ULK4: variants seen among roughly 807,000 people sequenced by gnomAD.
ULK4 encodes the protein inactive serine/threonine-protein kinase ULK4.
In ULK4, 133 loss-of-function variants were observed where a neutral mutation model predicts 160.6. The observed-to-expected ratio is 0.83, with a 90% CI of 0.72 to 0.96. ULK4 has a LOEUF of 0.96. Among genes scored for constraint, ULK4 ranks in the 40% least tolerant of loss-of-function variants. ULK4 has a pLI of 0.00. For missense variants in ULK4, 1,580 were observed against 1,499.5 expected, an observed-to-expected ratio of 1.05 and a Z score of -0.89; for synonymous variants, 534 against 539.8, an observed-to-expected ratio of 0.99 and a Z score of 0.15.
chr3:41,277,492 CA>C (rs1422357918), intron 35 of ULK4, among the ~76,000 whole-genome samples: 1 of 152,058 alleles, frequency 6.6e-6, no homozygotes, highest in African/African-American at 2.4e-5. Flanking sequence ...GAATTAAAAA[CA>C]AAAATCACAT....
rs1440124891 is a variant in ULK4 at position 41,900,811 on chromosome 3, T to C, written c.1201A>G (p.Ser401Gly). 6.2e-7 allele frequency: 1 copy of C among 1,613,566 alleles called. No individual in the cohort carries two copies. The highest frequency in any genetic ancestry group is 1.7e-5 in the Admixed American group (1 of 60,000). Residue 401 changes from serine (S) to glycine (G), a missense_variant, in exon 13 of 37, where the codon AGT (serine) becomes GGT (glycine). Physicochemically the swap from Ser to Gly is moderately conservative, Grantham distance 56 (BLOSUM62 0). Transcript: ENST00000301831. Reference sequence around the variant, plus strand: ...ATCTGGGATTCCAGGTCCTGCTGACTCAGGTGTCCACTTGTAATCTGAAAT... The same window carrying C: ...ATCTGGGATTCCAGGTCCTGCTGACCCAGGTGTCCACTTGTAATCTGAAAT... ...PLTKITSGHLSQQDLESQMRE... is the reference protein window; with the variant it reads ...PLTKITSGHLGQQDLESQMRE...
chr3:41,420,442 T>G (rs1210399898), intron 34 of ULK4, among the ~76,000 whole-genome samples: 1 of 150,452 alleles, frequency 6.6e-6, no homozygotes, highest in East Asian at 2.0e-4. Context: ...TTCACACTTC[T>G]GTGTAAGGGA....
chr3:41,853,786 C>G (rs1157865940), intron 17 of ULK4, among the ~76,000 whole-genome samples: 1 of 152,132 alleles, frequency 6.6e-6, no homozygotes, highest in Non-Finnish European at 1.5e-5. Context: ...TTTACAGAGG[C>G]TGTGTAGTGA....
intron 32 of ULK4, among the ~76,000 whole-genome samples, chr3:41,470,873 T>C (rs59030616): frequency 0.016 from 2,430 of 152,186 alleles, 58 homozygotes; most frequent in African/African-American, 0.051. Context: ...ATTCAAAGCA[T>C]ATCACTATAG....
intron 35 of ULK4, among the ~76,000 whole-genome samples, chr3:41,313,359 T>G (rs1320166786): frequency 6.6e-6 from 1 of 152,198 alleles, no homozygotes; most frequent in East Asian, 1.9e-4. Flanking sequence ...TCCATGGCAA[T>G]AAAAAGTAAT....
chr3:41,471,211 A>G, intron 32 of ULK4, among the ~76,000 whole-genome samples: 1 of 152,142 alleles, frequency 6.6e-6, no homozygotes, highest in East Asian at 1.9e-4. Context: ...TATTTATATA[A>G]AACAAAACAG....
intron 29 of ULK4, among the ~76,000 whole-genome samples, chr3:41,675,026 G>A (rs765598115): frequency 1.3e-5 from 2 of 152,160 alleles, no homozygotes; most frequent in Non-Finnish European, 2.9e-5. Flanking sequence ...CTGATCATGA[G>A]GTCAAGAGAT....
intron 22 of ULK4, among the ~76,000 whole-genome samples, chr3:41,751,402 C>G (rs2038622579): frequency 6.6e-6 from 1 of 152,206 alleles, no homozygotes; most frequent in Admixed American, 6.5e-5. Flanking sequence ...AGGCCAAAGA[C>G]AGGAGCACCA....
chr3:41,465,673 T>C (rs2083814891), intron 32 of ULK4, among the ~76,000 whole-genome samples: 1 of 152,214 alleles, frequency 6.6e-6, no homozygotes, highest in Non-Finnish European at 1.5e-5. Context: ...CTACATGTCC[T>C]GTAAATTGGT....
chr3:41,267,043 T>C (rs1373348812), intron 35 of ULK4, among the ~76,000 whole-genome samples: 5 of 151,408 alleles, frequency 3.3e-5, no homozygotes, highest in Admixed American at 2.6e-4. Context: ...TAAGGCTTTT[T>C]TTTTTTTTGC....
intron 35 of ULK4, among the ~76,000 whole-genome samples, chr3:41,300,564 C>T (rs1256382587): frequency 6.6e-6 from 1 of 151,842 alleles, no homozygotes; most frequent in Non-Finnish European, 1.5e-5. Flanking sequence ...ACTACCCAAA[C>T]AATATGACAC....
chr3:41,647,926 G>T (rs978178779), intron 30 of ULK4, among the ~76,000 whole-genome samples: 2 of 152,220 alleles, frequency 1.3e-5, no homozygotes, highest in Non-Finnish European at 2.9e-5. Context: ...CAGCCTCGCT[G>T]CCGCCTTGCA....
intron 35 of ULK4, among the ~76,000 whole-genome samples, chr3:41,335,462 A>C (rs1255063295): frequency 6.6e-6 from 1 of 152,234 alleles, no homozygotes; most frequent in Non-Finnish European, 1.5e-5. Context: ...GGAAATTGGT[A>C]AAAATATATC....
intron 4 of ULK4, among the ~76,000 whole-genome samples, chr3:41,932,287 G>A (rs1699629890): frequency 6.6e-6 from 1 of 152,116 alleles, no homozygotes; most frequent in Non-Finnish European, 1.5e-5. Context: ...TAACAACGAT[G>A]AAAATAAAAC....
At chr3:41,285,848 T>C (rs1226751583) in intron 35 of ULK4, among the ~76,000 whole-genome samples, 2 of 152,176 alleles carry the variant, frequency 1.3e-5, no homozygotes, top group East Asian at 1.9e-4. Context: ...GCAGTATGCA[T>C]AGTAGCTGCC....
chr3:41,958,482 G>A (rs755533640), intron 1 of ULK4, among the ~76,000 whole-genome samples: 3 of 150,666 alleles, frequency 2.0e-5, no homozygotes, highest in Non-Finnish European at 3.0e-5. Flanking sequence ...CGGACGGATC[G>A]CCTGAGGTCA....
At chr3:41,558,057 T>A (rs890542812) in intron 32 of ULK4, among the ~76,000 whole-genome samples, 1 of 152,142 alleles carries the variant, frequency 6.6e-6, no homozygotes, top group Non-Finnish European at 1.5e-5. Flanking sequence ...CTTCTCAGTA[T>A]CTACAAAACT....
At chr3:41,929,410 C>T (rs1204658065) in intron 5 of ULK4, among the ~76,000 whole-genome samples, 2 of 152,170 alleles carry the variant, frequency 1.3e-5, no homozygotes, top group African/African-American at 4.8e-5. Context: ...AAAAGGAAAG[C>T]ATTCTCTTTG....
chr3:41,735,147 T>C (rs1357029020), intron 22 of ULK4, among the ~76,000 whole-genome samples: 2 of 152,136 alleles, frequency 1.3e-5, no homozygotes, highest in African/African-American at 4.8e-5. Flanking sequence ...TGGGGAATAT[T>C]AATCAGATAG....
Sources: allele counts gnomAD v4.1 joint callset (sites outside exome capture counted in the v4.1 genomes callset), GRCh38; gene constraint gnomAD v4.1.1; transcripts MANE v1.5; gene names NCBI Gene and HGNC (gene_info 2026-07-23, HGNC 2026-07-21).